Variants in RGS12 observed in about 807,000 individuals in gnomAD.
RGS12 encodes regulator of G protein signaling 12.
In RGS12, 66 loss-of-function variants were observed where a neutral mutation model predicts 120.1. The ratio of observed to expected loss-of-function variants is 0.55; its 90% CI spans 0.45 to 0.67. RGS12 has a LOEUF of 0.67. Ranked by LOEUF, RGS12 falls within the 30% of genes least tolerant of loss-of-function variation. RGS12 has a pLI of 0.00. For synonymous variants in RGS12, 827 were observed against 804.7 expected (o/e 1.03, Z -0.47); for missense variants, 1,859 against 1,957.7 (o/e 0.95, Z 0.95).
upstream of RGS12, among the ~76,000 whole-genome samples, chr4:3,288,640 G>A (rs538469463): frequency 2.0e-5 from 3 of 152,206 alleles, no homozygotes; most frequent in African/African-American, 7.2e-5. The surrounding 1 kb of genome is among the most constrained non-coding windows in gnomAD (Gnocchi z 5.2). Flanking sequence ...CCTCCTTTCC[G>A]GGACGTATGG....
intron 1 of RGS12, among the ~76,000 whole-genome samples, chr4:3,311,187 G>A (rs1383642299): frequency 3.3e-5 from 5 of 152,166 alleles, no homozygotes; most frequent in Non-Finnish European, 2.9e-5. Context: ...GGAGGACGGC[G>A]TCTCTCTCGC....
intron 17 of RGS12, among the ~76,000 whole-genome samples, chr4:3,434,380 G>T (rs532226430): frequency 1.3e-5 from 2 of 152,300 alleles, no homozygotes; most frequent in South Asian, 4.1e-4. Flanking sequence ...GGGACACGGA[G>T]CCAAACCATA....
Position 3,316,910 on chromosome 4 carries a change from T to C in RGS12, c.740T>C (p.Leu247Pro), listed in dbSNP as rs761230268. Residue 247 changes from leucine to proline, a missense_variant, in exon 2 of 18, where the codon CTG (leucine) becomes CCG (proline). By Grantham distance (98) the Leu-to-Pro change is moderately conservative (BLOSUM62 -3). Coordinates refer to ENST00000336727, the MANE Select transcript of RGS12 (RefSeq NM_001394154.1). Reference sequence around the variant, plus strand: ...GAGCTTCCTTCCACGAGCTCCAACCTGGAGTCCGACAGCTTGCAAGCCATC... The same window carrying C: ...GAGCTTCCTTCCACGAGCTCCAACCCGGAGTCCGACAGCTTGCAAGCCATC... ...SIELPSTSSNLESDSLQAIRG... is the reference protein window; with the variant it reads ...SIELPSTSSNPESDSLQAIRG... The C allele has an allele frequency of 6.2e-7, 1 of 1,613,986 alleles. No individual in the cohort carries two copies. Among genetic ancestry groups the C allele is most frequent in the South Asian group, 1.1e-5 (1 of 91,086 alleles).
intron 3 of RGS12, among the ~76,000 whole-genome samples, chr4:3,353,173 G>A (rs1479539808): frequency 6.6e-6 from 1 of 152,196 alleles, no homozygotes; most frequent in African/African-American, 2.4e-5. Flanking sequence ...AGATCATACA[G>A]GCCCTCTGGG....
At chr4:3,288,380 C>T (rs1449635523), upstream of RGS12, among the ~76,000 whole-genome samples, 4 of 152,148 alleles carry the variant, frequency 2.6e-5, no homozygotes, top group Admixed American at 6.5e-5. The surrounding 1 kb of genome is among the most constrained non-coding windows in gnomAD (Gnocchi z 5.2). Context: ...GCCTGCCGGA[C>T]GCCTGGCCAC....
intron 17 of RGS12, chr4:3,431,904 G>A (rs1209664115): frequency 3.5e-5 from 34 of 985,382 alleles, no homozygotes; most frequent in Admixed American, 1.2e-4. Flanking sequence ...GGACCTCGCC[G>A]GGGGACCAGG....
Position 3,393,364 on chromosome 4 carries a change from A to G in RGS12, c.2020+6927A>G, listed in dbSNP as rs138298970. On this transcript the variant is annotated intron_variant, in intron 4 of 17. Coordinates refer to ENST00000336727, the MANE Select transcript of RGS12 (RefSeq NM_001394154.1). ...CTCGGCTGTGCATGCACAGCTTAGAACTCAGCCACAGGTGGAGGCTCCTGT... is the reference window on the plus strand; with the variant it reads ...CTCGGCTGTGCATGCACAGCTTAGAGCTCAGCCACAGGTGGAGGCTCCTGT... Among the ~76,000 whole-genome samples, 125 of 152,130 alleles carry G rather than the reference A, an allele frequency of 8.2e-4. 1 individual carries two copies. The Middle Eastern group carries it at 0.017, about 21-fold the overall frequency.
In RGS12 at chr4:3,366,298, G is replaced by A. The variant is rs116583736; in HGVS notation, c.1999-20118G>A. Among the ~76,000 whole-genome samples the A allele has an allele frequency of 0.018, 2,799 of 152,256 alleles. 70 individuals are homozygous for A. Among genetic ancestry groups the A allele is most frequent in the African/African-American group, 0.059 (2,465 of 41,514 alleles). ...GCGGGGTCAGGGGTGGAGGGCAGGA[G>A]GATGGGAGAGCCCAGCTGGGGGAGA... On this transcript the variant is annotated intron_variant, in intron 3 of 17. Coordinates refer to ENST00000336727, the MANE Select transcript of RGS12 (RefSeq NM_001394154.1). This position sits in a 1 kb window ranked among gnomAD's most constrained non-coding sequence, Gnocchi z 4.0.
At chr4:3,361,840 G>T (rs1490341585) in intron 3 of RGS12, among the ~76,000 whole-genome samples, 1 of 152,184 alleles carries the variant, frequency 6.6e-6, no homozygotes, top group African/African-American at 2.4e-5. Context: ...AAGTGTTGGC[G>T]AAATGTCTTC....
rs1577104930 is a variant in RGS12, at chr4:3,430,836, T to G, written c.3995T>G (p.Val1332Gly). ...GTGGAGGCCGGGGGCATCCAGACGG[T>G]GGAGGATGAGCACGTGGCCGAGCTG... ...QEVEAGGIQTVEDEHVAELTL... is the reference protein window; with the variant it reads ...QEVEAGGIQTGEDEHVAELTL... The change falls in exon 17 of 18, where the codon GTG (valine) becomes GGG (glycine). Residue 1332 changes from valine (V) to glycine (G), a missense_variant. This residue lies in a region of RGS12 where 517 missense variants were observed against 488.5 expected (regional missense o/e 1.06). Coordinates refer to ENST00000336727, the MANE Select transcript of RGS12 (RefSeq NM_001394154.1). 1 of 1,611,728 alleles carries G rather than the reference T, an allele frequency of 6.2e-7. No individual in the cohort carries two copies. Among genetic ancestry groups the G allele is most frequent in the Admixed American group, 1.7e-5 (1 of 59,866 alleles).
At chr4:3,320,109 A>G (rs947207253) in intron 2 of RGS12, among the ~76,000 whole-genome samples, 2 of 152,250 alleles carry the variant, frequency 1.3e-5, no homozygotes, top group African/African-American at 4.8e-5. Flanking sequence ...TGTGGATTAC[A>G]GGGCACCTTC....
At chr4:3,407,860 C>T (rs1721326059) in intron 4 of RGS12, among the ~76,000 whole-genome samples, 1 of 152,248 alleles carries the variant, frequency 6.6e-6, no homozygotes, top group Non-Finnish European at 1.5e-5. Flanking sequence ...ACGTAACCTA[C>T]ATGTTTGACC....
At chr4:3,364,638 C>G (rs968643273) in intron 3 of RGS12, among the ~76,000 whole-genome samples, 1 of 152,072 alleles carries the variant, frequency 6.6e-6, no homozygotes, top group African/African-American at 2.4e-5. Context: ...GGACACAGCC[C>G]AGGGCCTGGG....
chr4:3,369,979 CCT>C (rs757912472), intron 3 of RGS12: 126 of 1,196,948 alleles, frequency 1.1e-4, no homozygotes, highest in Middle Eastern at 3.3e-4. Context: ...AGAAATTACC[CCT>C]GTCGGCCGAA....
chr4:3,422,682 A>C, intron 11 of RGS12, 112 bp downstream of exon 11: 1 of 1,248,188 alleles, frequency 8.0e-7, no homozygotes, highest in Non-Finnish European at 1.1e-6. Context: ...CCTCATTTCA[A>C]CAGCGCCTGG....
In RGS12 at chr4:3,433,194, C is replaced by T. The variant is rs1241949825; in HGVS notation, c.4114+2239C>T. On this transcript the variant is annotated intron_variant, in intron 17 of 17. Coordinates refer to ENST00000336727, the MANE Select transcript of RGS12 (RefSeq NM_001394154.1). The surrounding 1 kb of genome is among the most constrained non-coding windows in gnomAD (Gnocchi z 4.4). ...GGAGCTTGGGGGTCATCCCGGGTCA[C>T]GCTCTCCGACGTTGACAGTTGCTGT... Among the ~76,000 whole-genome samples, 10 of 152,218 alleles carry T rather than the reference C, an allele frequency of 6.6e-5. No homozygotes were observed. The highest frequency in any genetic ancestry group is 1.9e-4 in the East Asian group (1 of 5,196).
At chr4:3,394,885 C>T (rs1342605601) in intron 4 of RGS12, among the ~76,000 whole-genome samples, 1 of 152,024 alleles carries the variant, frequency 6.6e-6, no homozygotes, top group African/African-American at 2.4e-5. Context: ...AAAAAGAAGA[C>T]TGACTGGGCA....
chr4:3,400,998 A>G (rs1348942953), intron 4 of RGS12, among the ~76,000 whole-genome samples: 11 of 152,254 alleles, frequency 7.2e-5, no homozygotes, highest in Non-Finnish European at 1.3e-4. Context: ...TTGGGAAGAA[A>G]AAAGATAATC....
chr4:3,304,949 G>A (rs1315497469), intron 1 of RGS12, among the ~76,000 whole-genome samples: 6 of 152,236 alleles, frequency 3.9e-5, no homozygotes, highest in Admixed American at 3.9e-4. Flanking sequence ...TGTGATCAAG[G>A]CGTTGGCCAG....
Sources: gnomAD v4.1 joint callset for allele counts (sites outside exome capture counted in the v4.1 genomes callset) on GRCh38, gnomAD v4.1.1 for gene constraint, gnomAD v4.1.1 regional missense constraint, Gnocchi (gnomAD v3.1) non-coding constraint, MANE v1.5 for transcripts, NCBI Gene and HGNC (gene_info 2026-07-23, HGNC 2026-07-21) for gene names.